DLG2: variants seen among roughly 807,000 people sequenced by gnomAD.
DLG2 encodes discs large MAGUK scaffold protein 2.
In DLG2, 45 loss-of-function variants were observed where a neutral mutation model predicts 132.5. The ratio of observed to expected loss-of-function variants is 0.34; its 90% CI spans 0.27 to 0.44. The LOEUF is 0.44. Ranked by LOEUF, DLG2 falls within the 20% of genes least tolerant of loss-of-function variation. The pLI, the probability that DLG2 is intolerant of heterozygous loss-of-function variation, is 1.00. For synonymous variants in DLG2, 424 were observed against 419.6 expected, an observed-to-expected ratio of 1.01 and a Z score of -0.13; for missense variants, 1,045 against 1,196.9, an observed-to-expected ratio of 0.87 and a Z score of 1.87.
At chr11:83,635,164 C>T (rs1012601984) in intron 18 of DLG2, among the ~76,000 whole-genome samples, 4 of 152,026 alleles carry the variant, frequency 2.6e-5, no homozygotes, top group African/African-American at 9.7e-5. Flanking sequence ...TCACTTGAGC[C>T]CAGGATTTCA....
In DLG2 at chr11:84,224,821, G is replaced by A; in HGVS notation, c.573+26417C>T. 2.0e-5 allele frequency among the ~76,000 whole-genome samples: 3 copies of A among 152,246 alleles called. No homozygotes were observed. The South Asian group carries it at 6.2e-4, about 32-fold the overall frequency. ...GATCTTATTCCTGAAACACCAAACTGAAAACAGTTTACTGAATTACCTATC... is the reference window on the plus strand; with the variant it reads ...GATCTTATTCCTGAAACACCAAACTAAAAACAGTTTACTGAATTACCTATC... On this transcript the variant is annotated intron_variant, in intron 8 of 27. Transcript: ENST00000376104.
intron 18 of DLG2, among the ~76,000 whole-genome samples, chr11:83,670,302 G>A (rs2076616961): frequency 6.6e-6 from 1 of 152,002 alleles, no homozygotes; most frequent in African/African-American, 2.4e-5. Flanking sequence ...CCAGGAGAAG[G>A]TGAAAGCAGG....
intron 7 of DLG2, among the ~76,000 whole-genome samples, chr11:84,304,820 G>C (rs371880316): frequency 6.6e-5 from 10 of 152,304 alleles, no homozygotes; most frequent in African/African-American, 2.4e-4. Context: ...CTGTAGTTTG[G>C]TGACTCCTGG....
chr11:84,130,517 C>T (rs1213199486), intron 9 of DLG2, among the ~76,000 whole-genome samples: 1 of 118,636 alleles, frequency 8.4e-6, no homozygotes, highest in East Asian at 2.0e-4. Flanking sequence ...CACACACACA[C>T]ACACACATAT....
chr11:85,575,390 T>C (rs183615053), intron 3 of DLG2, among the ~76,000 whole-genome samples: 2 of 151,664 alleles, frequency 1.3e-5, no homozygotes, highest in Non-Finnish European at 2.9e-5. Flanking sequence ...TTAAAAATTA[T>C]CCAGGCTTGG....
chr11:83,883,128 T>G (rs974686193), intron 15 of DLG2, among the ~76,000 whole-genome samples: 15 of 152,222 alleles, frequency 9.9e-5, no homozygotes, highest in Non-Finnish European at 1.6e-4. Flanking sequence ...AATCTTACAC[T>G]TTGCATTTCT....
At chr11:83,658,732 A>C (rs1469028065) in intron 18 of DLG2, among the ~76,000 whole-genome samples, 2 of 152,234 alleles carry the variant, frequency 1.3e-5, no homozygotes, top group Non-Finnish European at 2.9e-5. Context: ...AAGCCCTGGA[A>C]TTGCATATAC....
intron 7 of DLG2, among the ~76,000 whole-genome samples, chr11:84,289,912 T>C (rs1050944865): frequency 2.0e-5 from 3 of 152,128 alleles, no homozygotes; most frequent in African/African-American, 7.2e-5. Flanking sequence ...GTCAGGCCCC[T>C]CAAAGTAGTA....
chr11:85,072,417 A>G (rs2065992743), intron 6 of DLG2, among the ~76,000 whole-genome samples: 1 of 151,898 alleles, frequency 6.6e-6, no homozygotes, highest in Admixed American at 6.6e-5. Flanking sequence ...GAACCCAGGG[A>G]TATAAAACTT....
chr11:83,477,904 G>A (rs1434272622), intron 22 of DLG2, among the ~76,000 whole-genome samples: 1 of 151,808 alleles, frequency 6.6e-6, no homozygotes, highest in African/African-American at 2.4e-5. Flanking sequence ...GCTCTTTCTG[G>A]GAAGTTCCTT....
intron 6 of DLG2, among the ~76,000 whole-genome samples, chr11:84,841,621 T>C (rs1028844106): frequency 2.0e-5 from 3 of 152,022 alleles, no homozygotes; most frequent in Non-Finnish European, 2.9e-5. Context: ...TATGAACAAA[T>C]GAATCTCATT....
At chr11:83,757,101 G>C (rs2093680510) in intron 18 of DLG2, among the ~76,000 whole-genome samples, 1 of 152,134 alleles carries the variant, frequency 6.6e-6, no homozygotes, top group Non-Finnish European at 1.5e-5. Context: ...TTTCCTGTCT[G>C]CATTATTTTG....
At chr11:84,985,596 C>G (rs181138812) in intron 6 of DLG2, among the ~76,000 whole-genome samples, 1 of 152,124 alleles carries the variant, frequency 6.6e-6, no homozygotes, top group Admixed American at 6.6e-5. Flanking sequence ...AAACCAAACA[C>G]AAACCCAGCA....
intron 6 of DLG2, among the ~76,000 whole-genome samples, chr11:84,779,478 T>C (rs1415851838): frequency 6.6e-6 from 1 of 152,126 alleles, no homozygotes; most frequent in Non-Finnish European, 1.5e-5. Context: ...CATTAGTTTT[T>C]TCTAAATACA....
chr11:84,209,602 A>T (rs2096723579), intron 8 of DLG2, among the ~76,000 whole-genome samples: 1 of 124,164 alleles, frequency 8.1e-6, no homozygotes, highest in Non-Finnish European at 1.8e-5. Flanking sequence ...CTGTAAATCT[A>T]AGATTGTTCC....
At chr11:84,047,219 C>T (rs1253449899) in intron 11 of DLG2, among the ~76,000 whole-genome samples, 1 of 151,652 alleles carries the variant, frequency 6.6e-6, no homozygotes, top group African/African-American at 2.4e-5. Context: ...TTTAGCATTA[C>T]AACTTCCAGA....
chr11:84,645,473 T>G (rs563312217), intron 6 of DLG2, among the ~76,000 whole-genome samples: 1 of 152,088 alleles, frequency 6.6e-6, no homozygotes, highest in Non-Finnish European at 1.5e-5. Context: ...CTTTATTTAT[T>G]TATTTATTTT....
chr11:83,829,874 C>A (rs562120095), intron 17 of DLG2, among the ~76,000 whole-genome samples: 4 of 152,108 alleles, frequency 2.6e-5, no homozygotes, highest in African/African-American at 7.2e-5. Context: ...TTAGGTATAT[C>A]CCCTAATGCT....
rs181808317 is a variant in DLG2 at position 85,052,590 on chromosome 11, T to C, written c.357+59071A>G. Among the ~76,000 whole-genome samples the C allele has an allele frequency of 3.3e-5, 5 of 152,308 alleles. No homozygotes were observed. The East Asian group carries it at 9.6e-4, about 29-fold the overall frequency. ...TCTACTTATAATTACTTCACTGTTG[T>C]TAAAAGGATTTGGCAATGTAATGAC... On this transcript the variant is annotated intron_variant, in intron 6 of 27. Transcript: ENST00000376104.
Sources: allele counts gnomAD v4.1 joint callset (sites outside exome capture counted in the v4.1 genomes callset), GRCh38; gene constraint gnomAD v4.1.1; transcripts MANE v1.5; gene names NCBI Gene and HGNC (gene_info 2026-07-23, HGNC 2026-07-21).